The following CPEB3 variants were observed in gnomAD, a reference collection of about 807,000 sequenced individuals.
The protein encoded by CPEB3 is cytoplasmic polyadenylation element binding protein 3, also known as cytoplasmic polyadenylation element-binding protein 3.
A neutral mutation model predicts 67.2 loss-of-function variants in CPEB3; 20 were observed. The ratio of observed to expected loss-of-function variants is 0.30; its 90% CI spans 0.21 to 0.43. The LOEUF (loss-of-function observed/expected upper bound fraction) is 0.43. Ranked by LOEUF, CPEB3 falls within the 20% of genes least tolerant of loss-of-function variation. CPEB3 has a pLI of 1.00. For synonymous variants in CPEB3, 376 were observed against 393.1 expected (o/e 0.96, Z 0.51); for missense variants, 746 against 968.6 (o/e 0.77, Z 3.05).
At chr10:92,193,922 G>A (rs953603617) in intron 2 of CPEB3, among the ~76,000 whole-genome samples, 6 of 150,478 alleles carry the variant, frequency 4.0e-5, no homozygotes, top group African/African-American at 7.3e-5. Flanking sequence ...TCAGCCTTCC[G>A]AGTAGCTAGG....
intron 1 of CPEB3, chr10:92,243,409 G>A (rs548402108): frequency 6.6e-6 from 1 of 152,250 alleles, no homozygotes; most frequent in Admixed American, 6.5e-5. Flanking sequence ...AGGGGAAAAG[G>A]TTGTGTCCTG....
intron 1 of CPEB3, among the ~76,000 whole-genome samples, chr10:92,289,549 CAATGAATTAATTAAATA>C (rs1474955414): frequency 2.0e-5 from 3 of 150,504 alleles, no homozygotes; most frequent in Non-Finnish European, 3.0e-5. Context: ...CTCTCAAAAT[CAATGAATTAATTAAATA>C]AATGAATTAA....
intron 8 of CPEB3, among the ~76,000 whole-genome samples, chr10:92,086,290 C>T (rs553746212): frequency 2.8e-4 from 42 of 152,286 alleles, no homozygotes; most frequent in South Asian, 1.0e-3. Flanking sequence ...TCTAGGTTTA[C>T]CACAATTGTC....
intron 9 of CPEB3, among the ~76,000 whole-genome samples, chr10:92,070,469 T>C (rs1842711045): frequency 6.6e-6 from 1 of 152,106 alleles, no homozygotes; most frequent in Non-Finnish European, 1.5e-5. Flanking sequence ...CTGAGATCTC[T>C]TCCTCTGTTT....
chr10:92,062,921 T>C (rs959345741), intron 9 of CPEB3, among the ~76,000 whole-genome samples: 1 of 152,212 alleles, frequency 6.6e-6, no homozygotes, highest in Non-Finnish European at 1.5e-5. Context: ...AGATGAGAAC[T>C]ACCTATGGAG....
At chr10:92,267,909 C>T (rs1043880265) in intron 1 of CPEB3, among the ~76,000 whole-genome samples, 3 of 152,272 alleles carry the variant, frequency 2.0e-5, no homozygotes, top group East Asian at 3.9e-4. Flanking sequence ...GCCTCCGCCT[C>T]CCGGGTTCAA....
chr10:92,127,881 A>AAACACTTCAAGTACAAGACTCAT (rs370080784), intron 6 of CPEB3, among the ~76,000 whole-genome samples: 13,347 of 151,876 alleles, frequency 0.088, 1,990 homozygotes, highest in African/African-American at 0.31. Flanking sequence ...AAAAGACTTA[A>AAACACTTCAAGTACAAGACTCAT]AACACTTCAA....
At chr10:92,163,115 A>G (rs1847572605) in intron 4 of CPEB3, among the ~76,000 whole-genome samples, 2 of 152,180 alleles carry the variant, frequency 1.3e-5, no homozygotes, top group Non-Finnish European at 2.9e-5. Context: ...ACAGTATCAT[A>G]TAGAATAGTT....
chr10:92,193,163 G>A (rs1564853334), intron 2 of CPEB3, among the ~76,000 whole-genome samples: 1 of 151,986 alleles, frequency 6.6e-6, no homozygotes, highest in Non-Finnish European at 1.5e-5. Flanking sequence ...AGTGAGCTGA[G>A]GTCACACCAC....
intron 9 of CPEB3, among the ~76,000 whole-genome samples, chr10:92,080,000 A>C (rs1435838452): frequency 6.6e-6 from 1 of 151,756 alleles, no homozygotes; most frequent in Non-Finnish European, 1.5e-5. Flanking sequence ...GGAGATCGAG[A>C]CCATCCTGGC....
intron 9 of CPEB3, among the ~76,000 whole-genome samples, chr10:92,076,758 TAGAAGA>T (rs1398292691): frequency 1.3e-5 from 2 of 148,156 alleles, no homozygotes; most frequent in East Asian, 4.0e-4. Flanking sequence ...GGTTTCAAAG[TAGAAGA>T]AGGAAGAAGA....
intron 1 of CPEB3, among the ~76,000 whole-genome samples, chr10:92,262,764 A>T (rs1852861764): frequency 6.6e-6 from 1 of 152,208 alleles, no homozygotes; most frequent in African/African-American, 2.4e-5. Flanking sequence ...CTGGAATAAA[A>T]TGGAGATAAT....
chr10:92,211,261 G>A (rs888554320), intron 2 of CPEB3, among the ~76,000 whole-genome samples: 1 of 152,118 alleles, frequency 6.6e-6, no homozygotes, highest in Non-Finnish European at 1.5e-5. Flanking sequence ...TACTGGAAGT[G>A]AAGGCTTAGT....
At chr10:92,192,895 G>GATT (rs1564853117) in intron 2 of CPEB3, among the ~76,000 whole-genome samples, 3 of 152,180 alleles carry the variant, frequency 2.0e-5, no homozygotes, top group African/African-American at 7.2e-5. Context: ...TGGGATTACA[G>GATT]ACGTGAGCTA....
intron 1 of CPEB3, among the ~76,000 whole-genome samples, chr10:92,285,522 C>T (rs147239578): frequency 2.0e-5 from 3 of 152,284 alleles, no homozygotes; most frequent in Non-Finnish European, 2.9e-5. Flanking sequence ...TTGCCCGCCT[C>T]GGCATCCCAA....
At chr10:92,178,429 G>C (rs556227364) in intron 4 of CPEB3, among the ~76,000 whole-genome samples, 2 of 152,274 alleles carry the variant, frequency 1.3e-5, no homozygotes, top group South Asian at 4.1e-4. Context: ...AAAGTGCTAA[G>C]ATTACAGATG....
At chr10:92,115,801 T>C (rs1466442846) in intron 6 of CPEB3, among the ~76,000 whole-genome samples, 4 of 152,098 alleles carry the variant, frequency 2.6e-5, no homozygotes, top group Admixed American at 1.3e-4. Context: ...TAAAATAATA[T>C]CTCTCACTTT....
chr10:92,061,680 C>T (rs931026261), intron 9 of CPEB3, among the ~76,000 whole-genome samples: 17 of 151,924 alleles, frequency 1.1e-4, no homozygotes, highest in Admixed American at 2.0e-4. Flanking sequence ...GGCTGGGAAA[C>T]GTAGTGGGAA....
In CPEB3 at chr10:92,257,453, C is replaced by T. The variant is rs144917894; in HGVS notation, c.-11-17092G>A. On this transcript the variant is annotated intron_variant, in intron 1 of 9. Coordinates refer to ENST00000265997, the MANE Select transcript of CPEB3 (RefSeq NM_014912.5). ...GGGATTACAGGCTTGGGCCACCACA[C>T]CCAGCTAATTTTTTGTATTTTTAGT... 5.7e-3 allele frequency among the ~76,000 whole-genome samples: 860 copies of T among 152,198 alleles called. 9 individuals are homozygous for T. Among genetic ancestry groups the T allele is most frequent in the African/African-American group, 0.02 (820 of 41,522 alleles).
Sources: allele counts gnomAD v4.1 joint callset (sites outside exome capture counted in the v4.1 genomes callset), GRCh38; gene constraint gnomAD v4.1.1; transcripts MANE v1.5; gene names NCBI Gene and HGNC (gene_info 2026-07-23, HGNC 2026-07-21).